RORA: variants seen among roughly 807,000 people sequenced by gnomAD.
The protein encoded by RORA is RAR related orphan receptor A.
Under a neutral mutation model 69.5 loss-of-function variants are expected in RORA, and 7 were observed. The ratio of observed to expected loss-of-function variants is 0.10; its 90% CI spans 0.06 to 0.19. RORA has a LOEUF of 0.19. Among genes scored for constraint, RORA ranks in the 10% least tolerant of loss-of-function variants. The pLI is 1.00. For synonymous variants in RORA, 261 were observed against 240.8 expected, an observed-to-expected ratio of 1.08 and a Z score of -0.78; for missense variants, 457 against 663.0, an observed-to-expected ratio of 0.69 and a Z score of 3.41.
chr15:60,849,908 G>A (rs972631103), intron 1 of RORA, among the ~76,000 whole-genome samples: 7 of 152,120 alleles, frequency 4.6e-5, no homozygotes, highest in Non-Finnish European at 2.9e-5. Context: ...AGTGAGGTGC[G>A]TCTCAAAGGC....
rs185479864 is a variant in RORA, at chr15:60,776,669, T to C, written c.167-97983A>G. 1.2e-3 allele frequency among the ~76,000 whole-genome samples: 176 copies of C among 152,266 alleles called. 5 individuals are homozygous for C. The East Asian group carries it at 0.021, about 18-fold the overall frequency. ...TAAAAGGTAAAGACAAGGTATGGGGTCCCCAGGGTTTGGGGTCCAGGTCTG... is the reference window on the plus strand; with the variant it reads ...TAAAAGGTAAAGACAAGGTATGGGGCCCCCAGGGTTTGGGGTCCAGGTCTG... On this transcript the variant is annotated intron_variant, in intron 1 of 10. Coordinates refer to ENST00000335670, the MANE Select transcript of RORA (RefSeq NM_134261.3).
At chr15:60,781,116 G>A (rs546551333) in intron 1 of RORA, among the ~76,000 whole-genome samples, 2 of 152,140 alleles carry the variant, frequency 1.3e-5, no homozygotes, top group South Asian at 2.1e-4. Context: ...ATATACATCC[G>A]CCTCCTTCTG....
chr15:60,858,925 A>C (rs2306502), intron 1 of RORA, among the ~76,000 whole-genome samples: 10,102 of 152,038 alleles, frequency 0.066, 426 homozygotes, highest in Non-Finnish European at 0.086. Flanking sequence ...GTGCCCTTGG[A>C]AATAAGTGAT....
intron 1 of RORA, among the ~76,000 whole-genome samples, chr15:60,918,667 G>C (rs141335406): frequency 1.9e-4 from 29 of 152,300 alleles, no homozygotes; most frequent in African/African-American, 7.0e-4. Context: ...AGGAACCTTG[G>C]AGATATCAGA....
intron 1 of RORA, among the ~76,000 whole-genome samples, chr15:60,804,372 A>C (rs1021850024): frequency 6.6e-6 from 1 of 152,066 alleles, no homozygotes; most frequent in Admixed American, 6.5e-5. Flanking sequence ...CTTTAATAAA[A>C]TAAATTCATT....
intron 1 of RORA, among the ~76,000 whole-genome samples, chr15:60,861,935 A>G (rs1162446877): frequency 6.6e-6 from 1 of 152,230 alleles, no homozygotes; most frequent in Non-Finnish European, 1.5e-5. Flanking sequence ...TAGGTATATT[A>G]AGCAGCAGCC....
At chr15:61,165,692 A>C (rs1376569023) in intron 1 of RORA, among the ~76,000 whole-genome samples, 1 of 152,196 alleles carries the variant, frequency 6.6e-6, no homozygotes, top group Non-Finnish European at 1.5e-5. Context: ...TAGGGAAAGG[A>C]GGGGTTCACA....
intron 1 of RORA, among the ~76,000 whole-genome samples, chr15:60,842,051 C>G (rs1351397968): frequency 6.6e-6 from 1 of 152,074 alleles, no homozygotes; most frequent in Non-Finnish European, 1.5e-5. Context: ...ATCTTTGACC[C>G]CTTCTTCCTT....
chr15:60,780,324 C>T (rs748427859), intron 1 of RORA, among the ~76,000 whole-genome samples: 1 of 152,128 alleles, frequency 6.6e-6, no homozygotes, highest in Non-Finnish European at 1.5e-5. Flanking sequence ...AAAAGTTCCA[C>T]ATGGACTGGT....
chr15:60,578,325 C>T (rs954427630), intron 2 of RORA, among the ~76,000 whole-genome samples: 4 of 152,164 alleles, frequency 2.6e-5, no homozygotes, highest in Non-Finnish European at 5.9e-5. Context: ...TGATTAATAT[C>T]ACTACCCATA....
chr15:60,863,159 G>GAGATA (rs1481728338), intron 1 of RORA, among the ~76,000 whole-genome samples: 2 of 152,218 alleles, frequency 1.3e-5, no homozygotes, highest in East Asian at 3.8e-4. Context: ...TTTTACAGTT[G>GAGATA]AGATAATTGA....
chr15:60,647,649 G>C (rs752055157), intron 2 of RORA, among the ~76,000 whole-genome samples: 1 of 152,116 alleles, frequency 6.6e-6, no homozygotes, highest in Non-Finnish European at 1.5e-5. Flanking sequence ...AATCACAAAG[G>C]CTGTCTCTGC....
chr15:61,224,279 G>A (rs1488762696), intron 1 of RORA, among the ~76,000 whole-genome samples: 2 of 152,212 alleles, frequency 1.3e-5, no homozygotes, highest in African/African-American at 4.8e-5. Flanking sequence ...GGGAGACAAT[G>A]AATGTGAACA....
At chr15:60,723,152 G>A (rs1273768985) in intron 1 of RORA, among the ~76,000 whole-genome samples, 1 of 151,804 alleles carries the variant, frequency 6.6e-6, no homozygotes, top group South Asian at 2.1e-4. Context: ...TGATACATAG[G>A]GACTCCTTAT....
chr15:60,992,959 T>C (rs1894425698), intron 1 of RORA, among the ~76,000 whole-genome samples: 1 of 151,986 alleles, frequency 6.6e-6, no homozygotes, highest in Admixed American at 6.6e-5. Flanking sequence ...ATTGCAGAGG[T>C]CCCACCACCC....
At chr15:61,211,258 T>C (rs1439340355) in intron 1 of RORA, among the ~76,000 whole-genome samples, 2 of 122,902 alleles carry the variant, frequency 1.6e-5, no homozygotes, top group Admixed American at 1.7e-4. Context: ...TCTGCAAAGT[T>C]AAAAAGACAG....
intron 1 of RORA, among the ~76,000 whole-genome samples, chr15:60,700,900 T>A (rs2070972283): frequency 6.6e-6 from 1 of 152,204 alleles, no homozygotes; most frequent in Non-Finnish European, 1.5e-5. Flanking sequence ...TGCTGTGGTC[T>A]GTTGTGCAGG....
intron 1 of RORA, among the ~76,000 whole-genome samples, chr15:61,190,499 G>C (rs2079787532): frequency 6.6e-6 from 1 of 152,208 alleles, no homozygotes; most frequent in Non-Finnish European, 1.5e-5. Context: ...GGTGGCTCAG[G>C]CCAATAACTC....
At chr15:60,782,650 A>G (rs1595711268) in intron 1 of RORA, among the ~76,000 whole-genome samples, 1 of 152,164 alleles carries the variant, frequency 6.6e-6, no homozygotes, top group Non-Finnish European at 1.5e-5. Flanking sequence ...CCCTCCCTCT[A>G]TGAGAAGCAA....
Sources: allele counts gnomAD v4.1 joint callset (sites outside exome capture counted in the v4.1 genomes callset), GRCh38; gene constraint gnomAD v4.1.1; transcripts MANE v1.5; gene names NCBI Gene and HGNC (gene_info 2026-07-23, HGNC 2026-07-21).